The following EHD3 variants were observed in gnomAD, a reference collection of about 807,000 sequenced individuals.
EHD3 encodes EH domain-containing protein 3.
EHD3 carries 17 observed loss-of-function variants against 43.0 expected under a neutral mutation model. The observed-to-expected ratio is 0.40, with a 90% CI of 0.27 to 0.59. The LOEUF (loss-of-function observed/expected upper bound fraction) is 0.59, where lower values mean the gene tolerates loss of function less well. Ranked by LOEUF, EHD3 falls within the 20% of genes least tolerant of loss-of-function variation. EHD3 has a pLI of 0.49. For synonymous variants in EHD3, 313 were observed against 289.5 expected (o/e 1.08, Z -0.82); for missense variants, 594 against 705.6 (o/e 0.84, Z 1.79).
rs547722278 is a variant in EHD3 at position 31,262,386 on chromosome 2, T to C, written c.1080+673T>C. On this transcript the variant is annotated intron_variant, in intron 5 of 5. Coordinates refer to ENST00000322054, the MANE Select transcript of EHD3 (RefSeq NM_014600.3). Reference sequence around the variant, plus strand: ...AGGTCCAAGCAGGAAACCACAACATTGACTGGATCCTCTGAGCCTCCATTT... The same window carrying C: ...AGGTCCAAGCAGGAAACCACAACATCGACTGGATCCTCTGAGCCTCCATTT... 1.9e-3 allele frequency among the ~76,000 whole-genome samples: 288 copies of C among 152,312 alleles called. 1 individual carries two copies. Among genetic ancestry groups the C allele is most frequent in the African/African-American group, 6.7e-3 (278 of 41,554 alleles).
rs192070719 is a variant in EHD3 at position 31,262,688 on chromosome 2, C to T, written c.1080+975C>T. Among the ~76,000 whole-genome samples the T allele has an allele frequency of 6.6e-5, 10 of 152,314 alleles. No homozygotes were observed. The East Asian group carries it at 7.7e-4, about 12-fold the overall frequency. On this transcript the variant is annotated intron_variant, in intron 5 of 5. Coordinates refer to ENST00000322054, the MANE Select transcript of EHD3 (RefSeq NM_014600.3). ...ATCCCAGCAGTTTGGGAAGCCGAGGCGGGCAGATCACCTGAGGCCAGGAGT... is the reference window on the plus strand; with the variant it reads ...ATCCCAGCAGTTTGGGAAGCCGAGGTGGGCAGATCACCTGAGGCCAGGAGT...
Position 31,266,777 on chromosome 2 carries a change from C to CACACAG in EHD3, c.*78_*79insGACACA. On this transcript the variant is annotated 3_prime_UTR_variant, in exon 6 of 6. Transcript: ENST00000322054. The surrounding 1 kb of genome is among the most constrained non-coding windows in gnomAD (Gnocchi z 5.1). Reference sequence around the variant, plus strand: ...AGCGGTGACTACACACACACACACACACACACACACACACACAAACATGCA... The same window carrying CACACAG: ...AGCGGTGACTACACACACACACACACACACAGACACACACACACACACAAACATGCA... 7.2e-7 allele frequency: 1 copy of CACACAG among 1,390,760 alleles called. No individual in the cohort carries two copies. The highest frequency in any genetic ancestry group is 9.7e-7 in the Non-Finnish European group (1 of 1,031,358). The allele number at this position is 1,390,760 out of a possible 1,614,324, so 86.2% of individuals were successfully genotyped here. A position where few individuals can be genotyped will look rare whatever the true frequency, so the allele number is the denominator to read the frequency against.
intron 1 of EHD3, among the ~76,000 whole-genome samples, chr2:31,243,949 C>T (rs1002605301): frequency 6.6e-6 from 1 of 152,180 alleles, no homozygotes; most frequent in Non-Finnish European, 1.5e-5. Flanking sequence ...GTCTGTAATA[C>T]TCTGTGTAAG....
Position 31,234,670 on chromosome 2 carries a change from G to C in EHD3, c.49G>C (p.Val17Leu). The change falls in exon 1 of 6, where the codon GTT becomes CTT. Residue 17 changes from valine (V) to leucine (L), a missense_variant. Around this residue, in one of 3 missense-constraint regions of EHD3, gnomAD observed 243 missense variants for 296.7 expected, o/e 0.82. Coordinates refer to ENST00000322054, the MANE Select transcript of EHD3 (RefSeq NM_014600.3). ...TDDRRRKDPEVFQTVSEGLKK... is the reference protein window; with the variant it reads ...TDDRRRKDPELFQTVSEGLKK... ...CGACCGCCGGAGGAAGGACCCCGAG[G>C]TTTTCCAGACGGTGAGTGAGGGGCT... is the stretch of plus-strand genomic sequence containing the variant. 6.2e-7 allele frequency: 1 copy of C among 1,614,220 alleles called. No homozygotes were observed.
chr2:31,261,333 C>G (rs1369881107), intron 4 of EHD3, among the ~76,000 whole-genome samples: 1 of 152,188 alleles, frequency 6.6e-6, no homozygotes, highest in Non-Finnish European at 1.5e-5. Flanking sequence ...TTGACCATAG[C>G]TCCCCACAAC....
chr2:31,246,012 G>A (rs1683519801), intron 2 of EHD3, among the ~76,000 whole-genome samples: 1 of 152,170 alleles, frequency 6.6e-6, no homozygotes, highest in African/African-American at 2.4e-5. Context: ...GAGTGGCCAA[G>A]GTGTGCGCCC....
At chr2:31,262,689 G>A (rs892615700) in intron 5 of EHD3, among the ~76,000 whole-genome samples, 1 of 152,184 alleles carries the variant, frequency 6.6e-6, no homozygotes, top group African/African-American at 2.4e-5. Context: ...AAGCCGAGGC[G>A]GGCAGATCAC....
At position 31,234,794 on chromosome 2, in the gene EHD3, A is replaced by T. The variant is rs757060262; in HGVS notation, c.173A>T (p.Lys58Met). ...CTGGAGGATGCCGACTTCGACAACAAGCCCATGGTTCTGCTGGTGGGCCAG... is the reference window on the plus strand; with the variant it reads ...CTGGAGGATGCCGACTTCGACAACATGCCCATGGTTCTGCTGGTGGGCCAG... ...PALEDADFDN[K>M]PMVLLVGQYS... is the part of the protein sequence containing the mutation. The change falls in exon 1 of 6, where the codon AAG becomes ATG. Residue 58 changes from lysine to methionine, a missense_variant. By Grantham distance (95) the Lys-to-Met change is moderately conservative (BLOSUM62 -1). Transcript: ENST00000322054. The T allele has an allele frequency of 6.2e-7, 1 of 1,614,122 alleles. No homozygotes were observed. The highest frequency in any genetic ancestry group is 1.7e-5 in the Admixed American group (1 of 60,026).
At chr2:31,256,596 C>T (rs1035456808) in intron 3 of EHD3, among the ~76,000 whole-genome samples, 7 of 152,226 alleles carry the variant, frequency 4.6e-5, no homozygotes, top group East Asian at 1.9e-4. Flanking sequence ...AGAACAGGAG[C>T]GTGCATGATG....
At chr2:31,259,530 A>G (rs534311045) in intron 3 of EHD3, among the ~76,000 whole-genome samples, 15 of 152,308 alleles carry the variant, frequency 9.8e-5, no homozygotes, top group African/African-American at 3.4e-4. Context: ...AGTCTGACCT[A>G]AAGCAGCTTA....
chr2:31,238,135 G>A (rs564973053), intron 1 of EHD3, among the ~76,000 whole-genome samples: 31 of 152,102 alleles, frequency 2.0e-4, no homozygotes, highest in African/African-American at 6.3e-4. Flanking sequence ...GTTGTTTTCC[G>A]AGAGGGTGAG....
rs866132267 is a variant in EHD3 at position 31,267,063 on chromosome 2, C to G, written c.*359C>G. On this transcript the variant is annotated 3_prime_UTR_variant, in exon 6 of 6. Coordinates refer to ENST00000322054, the MANE Select transcript of EHD3 (RefSeq NM_014600.3). Reference sequence around the variant, plus strand: ...CTCCAGATTCCCCAGTGCTTCCACACCCGGGCTCTGAGCAAATGGAAAAGA... The same window carrying G: ...CTCCAGATTCCCCAGTGCTTCCACAGCCGGGCTCTGAGCAAATGGAAAAGA... 4 of 238,920 alleles carry G rather than the reference C, an allele frequency of 1.7e-5. No individual in the cohort carries two copies. The highest frequency in any genetic ancestry group is 2.4e-5 in the Non-Finnish European group (3 of 123,826). 14.8% of individuals were successfully genotyped at this position (238,920 alleles called of 1,614,324 possible). A position where few individuals can be genotyped will look rare whatever the true frequency, so the allele number is the denominator to read the frequency against.
intron 2 of EHD3, among the ~76,000 whole-genome samples, chr2:31,245,553 A>ATATATATATATATATTTTTTT: frequency 2.9e-5 from 1 of 35,070 alleles, no homozygotes; most frequent in African/African-American, 9.0e-5. Context: ...ATATATATAT[A>ATATATATATATATATTTTTTT]TTTTTTTTTT....
At chr2:31,242,370 G>A (rs1477598136) in intron 1 of EHD3, among the ~76,000 whole-genome samples, 1 of 152,202 alleles carries the variant, frequency 6.6e-6, no homozygotes, top group Admixed American at 6.5e-5. Context: ...TTGACAGATA[G>A]AAGGTAACTT....
At chr2:31,246,990 G>C (rs761011364) in intron 2 of EHD3, among the ~76,000 whole-genome samples, 36 of 151,722 alleles carry the variant, frequency 2.4e-4, no homozygotes, top group Non-Finnish European at 4.7e-4. Flanking sequence ...TCCATCTCCT[G>C]GGTTCAGGCA....
At chr2:31,252,197 C>T (rs533937406) in intron 3 of EHD3, among the ~76,000 whole-genome samples, 47 of 152,334 alleles carry the variant, frequency 3.1e-4, no homozygotes, top group South Asian at 1.0e-3. Flanking sequence ...ATATGTACCA[C>T]ACAGCCGTCT....
intron 4 of EHD3, among the ~76,000 whole-genome samples, chr2:31,261,169 T>C (rs6717422): frequency 0.049 from 7,439 of 152,262 alleles, 587 homozygotes; most frequent in African/African-American, 0.17. Flanking sequence ...GTGCCTCTGT[T>C]TGCATCTGTA....
chr2:31,256,601 A>C (rs897074737), intron 3 of EHD3, among the ~76,000 whole-genome samples: 5 of 152,234 alleles, frequency 3.3e-5, no homozygotes, highest in African/African-American at 4.8e-5. Context: ...AGGAGCGTGC[A>C]TGATGCTACA....
At chr2:31,240,626 G>A (rs2148715755) in intron 1 of EHD3, among the ~76,000 whole-genome samples, 1 of 152,318 alleles carries the variant, frequency 6.6e-6, no homozygotes, top group Non-Finnish European at 1.5e-5. Context: ...TCGGGCTGCA[G>A]CCCTGTAACT....
Sources: gnomAD v4.1 joint callset for allele counts (sites outside exome capture counted in the v4.1 genomes callset) on GRCh38, gnomAD v4.1.1 for gene constraint, gnomAD v4.1.1 regional missense constraint, Gnocchi (gnomAD v3.1) non-coding constraint, MANE v1.5 for transcripts, NCBI Gene and HGNC (gene_info 2026-07-23, HGNC 2026-07-21) for gene names.